The following KCTD20 variants were observed in gnomAD, a reference collection of about 807,000 sequenced individuals.
KCTD20 encodes potassium channel tetramerization domain containing 20, also known as BTB/POZ domain-containing protein KCTD20.
A neutral mutation model predicts 39.6 loss-of-function variants in KCTD20; 30 were observed. The ratio of observed to expected loss-of-function variants is 0.76; its 90% CI spans 0.57 to 1.03. KCTD20 has a LOEUF of 1.03. Among genes scored for constraint, KCTD20 ranks in the 50% least tolerant of loss-of-function variants. The probability of loss-of-function intolerance (pLI) is 0.00; values close to 1 mark genes in which losing one functional copy is unlikely to be tolerated. For synonymous variants in KCTD20, 162 were observed against 180.6 expected (o/e 0.90, Z 0.83); for missense variants, 422 against 522.0 (o/e 0.81, Z 1.87).
At chr6:36,468,745 C>T (rs1206166200) in intron 1 of KCTD20, among the ~76,000 whole-genome samples, 3 of 152,164 alleles carry the variant, frequency 2.0e-5, no homozygotes, top group Admixed American at 2.0e-4. Context: ...AAGCTGTAGT[C>T]ACATTGAAGG....
In KCTD20 at chr6:36,486,900, G is replaced by T; in HGVS notation, c.985G>T (p.Glu329Ter). ...CATTGCAGGTTACCCTACCTGTAAA[G>T]AAAAAATTAAGAGAAGGCCTGGCGG... ...IGIEGYPTCK[E>*]KIKRRPGGRS... is the part of the protein sequence containing the mutation. The change falls in exon 8 of 8, where the codon GAA becomes TAA. Residue 329 changes from glutamate (E) to a stop codon, truncating the protein, a stop_gained. Coordinates refer to ENST00000373731, the MANE Select transcript of KCTD20 (RefSeq NM_173562.5). LOFTEE classifies it high-confidence loss of function. The T allele has an allele frequency of 6.2e-7, 1 of 1,612,780 alleles. No homozygotes were observed. The highest frequency in any genetic ancestry group is 8.5e-7 in the Non-Finnish European group (1 of 1,179,530).
chr6:36,477,879 G>A (rs370515428), intron 3 of KCTD20, among the ~76,000 whole-genome samples: 2 of 150,760 alleles, frequency 1.3e-5, no homozygotes, highest in East Asian at 2.0e-4. Context: ...GCCGAGGCGG[G>A]CAGATCACGA....
At position 36,488,396 on chromosome 6, in the gene KCTD20, G is replaced by A. The variant is rs1053609301; in HGVS notation, c.*1221G>A. 2.6e-5 allele frequency: 4 copies of A among 152,102 alleles called. No homozygotes were observed. The East Asian group carries it at 7.7e-4, about 29-fold the overall frequency. 9.4% of individuals were successfully genotyped at this position (152,102 alleles called of 1,614,324 possible). On this transcript the variant is annotated 3_prime_UTR_variant, in exon 8 of 8. Transcript: ENST00000373731. Reference sequence around the variant, plus strand: ...ATGATCACCCAGATCACCCTCCTCAGCCCACACAGTGCTGAACCATCTTCC... The same window carrying A: ...ATGATCACCCAGATCACCCTCCTCAACCCACACAGTGCTGAACCATCTTCC...
chr6:36,483,046 G>A (rs1173634098), intron 6 of KCTD20, among the ~76,000 whole-genome samples: 1 of 150,380 alleles, frequency 6.6e-6, no homozygotes, highest in Non-Finnish European at 1.5e-5. Flanking sequence ...TTGAACCCAG[G>A]AGGCAGACGT....
rs1259207948 is a variant in KCTD20, at chr6:36,465,389, T to TG, written c.-46-4663_-46-4662insG. 6.8e-5 allele frequency among the ~76,000 whole-genome samples: 10 copies of TG among 146,272 alleles called. No homozygotes were observed. In the East Asian group the frequency reaches 2.0e-3, roughly 29 times the overall value. ...GCCATTCCAATTAGTTTTTTTTTGTTTTTTTTTTTTTTAATCTGAGTAGTT... is the reference window on the plus strand; with the variant it reads ...GCCATTCCAATTAGTTTTTTTTTGTTGTTTTTTTTTTTTAATCTGAGTAGTT... On this transcript the variant is annotated intron_variant, in intron 1 of 7. Transcript: ENST00000373731.
intron 1 of KCTD20, among the ~76,000 whole-genome samples, chr6:36,448,368 A>G (rs1254059758): frequency 6.6e-6 from 1 of 152,206 alleles, no homozygotes; most frequent in African/African-American, 2.4e-5. Context: ...TAGATTATTG[A>G]AAGTTCAATT....
At chr6:36,444,172 G>A (rs1774965642) in intron 1 of KCTD20, among the ~76,000 whole-genome samples, 1 of 152,184 alleles carries the variant, frequency 6.6e-6, no homozygotes, top group Non-Finnish European at 1.5e-5. Context: ...CCCTGAGTCT[G>A]GGATTTAAGC....
At chr6:36,465,042 A>G (rs1470408568) in intron 1 of KCTD20, among the ~76,000 whole-genome samples, 1 of 152,142 alleles carries the variant, frequency 6.6e-6, no homozygotes, top group Non-Finnish European at 1.5e-5. Context: ...TCACGCCTGT[A>G]ATCCCAGCAC....
intron 1 of KCTD20, among the ~76,000 whole-genome samples, chr6:36,462,504 A>G (rs1332739410): frequency 6.6e-6 from 1 of 152,158 alleles, no homozygotes; most frequent in East Asian, 1.9e-4. Flanking sequence ...ACAAGTTCAG[A>G]TTCTCCAGAC....
chr6:36,451,349 G>A (rs1452155569), intron 1 of KCTD20: 1 of 152,106 alleles, frequency 6.6e-6, no homozygotes, highest in Non-Finnish European at 1.5e-5. Context: ...TATTCAGTAA[G>A]ACAATAACTT....
intron 5 of KCTD20, among the ~76,000 whole-genome samples, chr6:36,480,662 A>G (rs1343053989): frequency 6.6e-6 from 1 of 152,006 alleles, no homozygotes; most frequent in Non-Finnish European, 1.5e-5. Context: ...CCTGGATTCA[A>G]GCAATTCTCC....
chr6:36,455,513 GA>G (rs1282230804), intron 1 of KCTD20, among the ~76,000 whole-genome samples: 1 of 152,182 alleles, frequency 6.6e-6, no homozygotes, highest in Admixed American at 6.5e-5. Context: ...CAAATATCTG[GA>G]GGAGAAAAGT....
chr6:36,485,619 G>A (rs754885796), intron 7 of KCTD20, among the ~76,000 whole-genome samples: 7 of 150,290 alleles, frequency 4.7e-5, no homozygotes, highest in African/African-American at 9.8e-5. Flanking sequence ...TCAGCCTCTC[G>A]AGTAGCTGGG....
intron 1 of KCTD20, among the ~76,000 whole-genome samples, chr6:36,461,913 G>A (rs943865743): frequency 5.3e-5 from 8 of 152,156 alleles, no homozygotes; most frequent in East Asian, 1.9e-4. Flanking sequence ...AGAGGAGTAC[G>A]AGCTTTCCTG....
intron 6 of KCTD20, among the ~76,000 whole-genome samples, chr6:36,483,415 G>A (rs1776323755): frequency 6.6e-6 from 1 of 152,022 alleles, no homozygotes; most frequent in African/African-American, 2.4e-5. Context: ...GTTTCACCAT[G>A]TTGGCCAGGC....
chr6:36,487,663 T>TA lies in KCTD20; in HGVS notation c.*488_*489insA, dbSNP rs1228392922. The TA allele has an allele frequency of 6.5e-6, 1 of 153,410 alleles. No individual in the cohort carries two copies. The allele number at this position is 153,410 out of a possible 1,614,324, so 9.5% of individuals were successfully genotyped here. ...TCATTAGAGGTTAATGAAGATGCCA[T>TA]TCTTGGTGGCCTCTGCACCCAAATT... On this transcript the variant is annotated 3_prime_UTR_variant, in exon 8 of 8. Transcript: ENST00000373731.
chr6:36,487,076 G>A lies in KCTD20; in HGVS notation c.1161G>A (p.Glu387=). 6.2e-7 allele frequency: 1 copy of A among 1,614,198 alleles called. No individual in the cohort carries two copies. The highest frequency in any genetic ancestry group is 1.1e-5 in the South Asian group (1 of 91,076). ...NLVAAGDDVL[E]DQEILMHHPP... is the part of the protein sequence containing the mutation. ...TAGCTGCTGGAGATGATGTCTTGGA[G>A]GACCAGGAGATATTAATGCATCACC... is the stretch of plus-strand genomic sequence containing the variant. The change falls in exon 8 of 8, where the codon GAG becomes GAA. Residue 387 remains glutamate (E), a synonymous_variant. Transcript: ENST00000373731.
chr6:36,460,595 G>A (rs6930496), intron 1 of KCTD20, among the ~76,000 whole-genome samples: 39,008 of 151,978 alleles, frequency 0.26, 5,471 homozygotes, highest in East Asian at 0.39. Flanking sequence ...GTGAGCCACC[G>A]CACCCAGCCT....
intron 6 of KCTD20, among the ~76,000 whole-genome samples, chr6:36,482,973 C>T (rs560270798): frequency 1.0e-4 from 15 of 149,216 alleles, no homozygotes; most frequent in African/African-American, 2.0e-4. Context: ...AAAGATTAAC[C>T]GGGCATGGTG....
Sources: allele counts gnomAD v4.1 joint callset (sites outside exome capture counted in the v4.1 genomes callset), GRCh38; gene constraint gnomAD v4.1.1; transcripts MANE v1.5; gene names NCBI Gene and HGNC (gene_info 2026-07-23, HGNC 2026-07-21).